The following ABTB2 variants were observed in gnomAD, a reference collection of about 807,000 sequenced individuals.
The protein encoded by ABTB2 is ankyrin repeat and BTB/POZ domain-containing protein 2.
Under a neutral mutation model 104.1 loss-of-function variants are expected in ABTB2, and 56 were observed. That is an observed-to-expected ratio of 0.54 (90% CI 0.43 to 0.67). ABTB2 has a LOEUF of 0.67. Among genes scored for constraint, ABTB2 ranks in the 30% least tolerant of loss-of-function variants. The pLI is 0.00. For synonymous variants in ABTB2, 606 were observed against 608.2 expected, an observed-to-expected ratio of 1.00 and a Z score of 0.05; for missense variants, 1,279 against 1,407.7, an observed-to-expected ratio of 0.91 and a Z score of 1.46.
intron 1 of ABTB2, among the ~76,000 whole-genome samples, chr11:34,240,005 C>A (rs1414059466): frequency 6.6e-6 from 1 of 152,154 alleles, no homozygotes; most frequent in Non-Finnish European, 1.5e-5. Context: ...GGTGGAGTTT[C>A]TTATTTCAGT....
intron 1 of ABTB2, among the ~76,000 whole-genome samples, chr11:34,332,630 C>T (rs993525466): frequency 8.5e-5 from 13 of 152,094 alleles, no homozygotes; most frequent in African/African-American, 3.1e-4. Flanking sequence ...CTCAGCAAAC[C>T]CAGCATCCAG....
chr11:34,282,478 A>G (rs1854458398), intron 1 of ABTB2, among the ~76,000 whole-genome samples: 1 of 152,164 alleles, frequency 6.6e-6, no homozygotes, highest in Non-Finnish European at 1.5e-5. Flanking sequence ...TCTTGACACA[A>G]ACTCCAAGCA....
chr11:34,152,536 TGAG>T lies in ABTB2; in HGVS notation c.2926_2928del (p.Leu976del). 6.2e-7 allele frequency: 1 copy of T among 1,612,734 alleles called. No homozygotes were observed. Among genetic ancestry groups the T allele is most frequent in the Non-Finnish European group, 8.5e-7 (1 of 1,179,774 alleles). On this transcript the variant is annotated inframe_deletion, in exon 17 of 17. Coordinates refer to ENST00000435224, the MANE Select transcript of ABTB2 (RefSeq NM_145804.3). The stretch of plus-strand genomic sequence containing the variant: ...TGCTCCAGTAGGGCCTTCATGTGCT[TGAG>T]GAAGAAGCCCTCACAGAACAGGGCC...
chr11:34,251,537 C>T (rs1461198654), intron 1 of ABTB2, among the ~76,000 whole-genome samples: 1 of 152,212 alleles, frequency 6.6e-6, no homozygotes, highest in East Asian at 1.9e-4. Flanking sequence ...CCATGCCCAG[C>T]AGGATGTCAG....
chr11:34,337,870 C>T (rs1040562671), intron 1 of ABTB2, among the ~76,000 whole-genome samples: 1 of 152,102 alleles, frequency 6.6e-6, no homozygotes, highest in African/African-American at 2.4e-5. Context: ...CTCTCCCCAC[C>T]TCCCCCTACT....
intron 1 of ABTB2, among the ~76,000 whole-genome samples, chr11:34,249,003 G>A (rs2133067786): frequency 6.6e-6 from 1 of 152,308 alleles, no homozygotes; most frequent in South Asian, 2.1e-4. Context: ...GGTGGCACAT[G>A]CTGTAATCCC....
chr11:34,211,086 T>C (rs1853475458), intron 1 of ABTB2, among the ~76,000 whole-genome samples: 1 of 152,176 alleles, frequency 6.6e-6, no homozygotes. Flanking sequence ...GAGACCCAAA[T>C]AGAGTGTAAG....
rs554836463 is a variant in ABTB2 at position 34,157,499 on chromosome 11, G to C, written c.2697+1797C>G. Among the ~76,000 whole-genome samples the C allele has an allele frequency of 2.6e-5, 4 of 152,312 alleles. No homozygotes were observed. The South Asian group carries it at 8.3e-4, about 32-fold the overall frequency. ...AGGCAGTGGTCACCCATGGCCACAA[G>C]TGCGCTCCCCAGTCTCCAGCGATCC... is the stretch of plus-strand genomic sequence containing the variant. On this transcript the variant is annotated intron_variant, in intron 14 of 16. Transcript: ENST00000435224.
intron 1 of ABTB2, among the ~76,000 whole-genome samples, chr11:34,208,076 A>T (rs529341818): frequency 2.8e-4 from 42 of 152,276 alleles, no homozygotes; most frequent in Non-Finnish European, 5.4e-4. Context: ...CTCTACATCA[A>T]TTCTAAATTC....
At chr11:34,238,192 C>T (rs151150978) in intron 1 of ABTB2, among the ~76,000 whole-genome samples, 302 of 152,310 alleles carry the variant, frequency 2.0e-3, no homozygotes, top group African/African-American at 6.9e-3. Context: ...AGCCACAGGG[C>T]CTTTGAACTT....
Position 34,204,744 on chromosome 11 carries a change from G to A in ABTB2, c.884-54C>T. 21 of 1,568,712 alleles carry A rather than the reference G, an allele frequency of 1.3e-5. No individual in the cohort carries two copies. In the South Asian group the frequency reaches 2.5e-4, roughly 19 times the overall value. ...ACTTAGGAAGGAGTGGAAGTTCAGT[G>A]GGCCCCAGCCTGCTGCAGGCAGGGC... On this transcript the variant is annotated intron_variant, in intron 1 of 16. Coordinates refer to ENST00000435224, the MANE Select transcript of ABTB2 (RefSeq NM_145804.3).
At chr11:34,331,304 C>A (rs370507471) in intron 1 of ABTB2, among the ~76,000 whole-genome samples, 1 of 151,972 alleles carries the variant, frequency 6.6e-6, no homozygotes. Context: ...TTGCTTAACG[C>A]GGAAAAAATT....
intron 7 of ABTB2, 101 bp downstream of exon 7, chr11:34,167,158 G>A: frequency 8.9e-7 from 1 of 1,128,996 alleles, no homozygotes; most frequent in South Asian, 1.4e-5. Flanking sequence ...TGGGATCTCT[G>A]ATTCAGGGCA....
At chr11:34,214,974 C>T (rs1378956214) in intron 1 of ABTB2, among the ~76,000 whole-genome samples, 2 of 152,190 alleles carry the variant, frequency 1.3e-5, no homozygotes, top group Non-Finnish European at 2.9e-5. Context: ...GTAGATGAGA[C>T]ATTGTCTGCA....
chr11:34,357,861 A>C lies in ABTB2; in HGVS notation c.-278T>G. On this transcript the variant is annotated 5_prime_UTR_variant, in exon 1 of 17. Coordinates refer to ENST00000435224, the MANE Select transcript of ABTB2 (RefSeq NM_145804.3). The stretch of plus-strand genomic sequence containing the variant: ...CGGCACTCCCCCTTGTCCACCTCTA[A>C]TTCCCACAAGCAGAGAGTCAGTCCT... 5 of 403,968 alleles carry C rather than the reference A, an allele frequency of 1.2e-5. No individual in the cohort carries two copies. Among genetic ancestry groups the C allele is most frequent in the Admixed American group, 4.2e-5 (1 of 24,076 alleles). The allele number at this position is 403,968 out of a possible 1,614,324, so 25.0% of individuals were successfully genotyped here.
At chr11:34,240,097 C>T (rs1035014035) in intron 1 of ABTB2, among the ~76,000 whole-genome samples, 2 of 152,192 alleles carry the variant, frequency 1.3e-5, no homozygotes, top group African/African-American at 4.8e-5. Context: ...ATCATAACCA[C>T]AACTGCTACT....
At chr11:34,213,683 T>G (rs1251306714) in intron 1 of ABTB2, among the ~76,000 whole-genome samples, 1 of 152,116 alleles carries the variant, frequency 6.6e-6, no homozygotes, top group African/African-American at 2.4e-5. Context: ...AAGCAAAAAC[T>G]TAATAAAATG....
chr11:34,303,122 C>T (rs1854727681), intron 1 of ABTB2, among the ~76,000 whole-genome samples: 1 of 152,148 alleles, frequency 6.6e-6, no homozygotes, highest in Non-Finnish European at 1.5e-5. Context: ...TCCCACTTGC[C>T]ACGGTGCTGT....
chr11:34,242,695 C>G (rs1168461877), intron 1 of ABTB2: 1 of 152,266 alleles, frequency 6.6e-6, no homozygotes, highest in Non-Finnish European at 1.5e-5. Flanking sequence ...CAGGTGGGGT[C>G]TTCCTGGTGT....
Sources: allele counts gnomAD v4.1 joint callset (sites outside exome capture counted in the v4.1 genomes callset), GRCh38; gene constraint gnomAD v4.1.1; transcripts MANE v1.5; gene names NCBI Gene and HGNC (gene_info 2026-07-23, HGNC 2026-07-21).